The following RAP1GAP2 variants were observed in gnomAD, a reference collection of about 807,000 sequenced individuals.
RAP1GAP2 encodes the protein rap1 GTPase-activating protein 2.
In RAP1GAP2, 27 loss-of-function variants were observed where a neutral mutation model predicts 95.0. The observed-to-expected ratio is 0.28, with a 90% CI of 0.21 to 0.39. The LOEUF is 0.39. Ranked by LOEUF, RAP1GAP2 falls within the 10% of genes least tolerant of loss-of-function variation. The pLI, the probability that RAP1GAP2 is intolerant of heterozygous loss-of-function variation, is 1.00. For missense variants in RAP1GAP2, 771 were observed against 970.0 expected (o/e 0.79, Z 2.72); for synonymous variants, 373 against 380.9 (o/e 0.98, Z 0.24).
intron 23 of RAP1GAP2, 101 bp from the exon 24 acceptor site, chr17:3,032,310 G>C: frequency 7.3e-7 from 1 of 1,374,912 alleles, no homozygotes; most frequent in Non-Finnish European, 1.0e-6. Flanking sequence ...ATCCCTTCCT[G>C]AGCTCACCAG....
chr17:2,911,914 G>C (rs531731684), intron 3 of RAP1GAP2, among the ~76,000 whole-genome samples: 6 of 152,300 alleles, frequency 3.9e-5, no homozygotes, highest in Admixed American at 2.0e-4. Flanking sequence ...AGCCGCACCG[G>C]GCCCTGAGCT....
chr17:2,843,072 T>A (rs2071435428), intron 2 of RAP1GAP2, among the ~76,000 whole-genome samples: 2 of 151,956 alleles, frequency 1.3e-5, no homozygotes, highest in Admixed American at 6.6e-5. Flanking sequence ...GGGGCTGGTG[T>A]GGGGCAAATA....
At chr17:2,984,840 C>G in intron 10 of RAP1GAP2, 143 bp from the exon 11 acceptor site, 5 of 1,428,128 alleles carry the variant, frequency 3.5e-6, no homozygotes, top group Non-Finnish European at 4.6e-6. Flanking sequence ...TATTATTTCT[C>G]TCTCTCTCCC....
At chr17:2,869,010 C>T (rs72819205) in intron 2 of RAP1GAP2, among the ~76,000 whole-genome samples, 2,827 of 152,208 alleles carry the variant, frequency 0.019, 36 homozygotes, top group Non-Finnish European at 0.029. Context: ...ACCGTCTTCT[C>T]GCCATGTTCT....
At chr17:2,942,453 G>C (rs1447633388) in intron 3 of RAP1GAP2, among the ~76,000 whole-genome samples, 1 of 152,016 alleles carries the variant, frequency 6.6e-6, no homozygotes, top group Non-Finnish European at 1.5e-5. Flanking sequence ...TTAAAATTTT[G>C]TGTCATCCAT....
intron 3 of RAP1GAP2, among the ~76,000 whole-genome samples, chr17:2,931,142 A>AAG (rs1237672696): frequency 6.8e-6 from 1 of 146,360 alleles, no homozygotes. Context: ...AAAAAAAAAA[A>AAG]AAGAAGAAGA....
At chr17:2,854,976 G>C (rs971539520) in intron 2 of RAP1GAP2, among the ~76,000 whole-genome samples, 7 of 152,310 alleles carry the variant, frequency 4.6e-5, no homozygotes, top group African/African-American at 1.7e-4. Flanking sequence ...CTAGTTTCCA[G>C]AGGAGTTTTG....
rs147702252 is a variant in RAP1GAP2 at position 2,889,668 on chromosome 17, G to A, written c.81-15616G>A. Among the ~76,000 whole-genome samples the A allele has an allele frequency of 9.8e-3, 1,425 of 144,814 alleles. 24 individuals are homozygous for A. Among genetic ancestry groups the A allele is most frequent in the African/African-American group, 0.032 (1,270 of 39,582 alleles). On this transcript the variant is annotated intron_variant, in intron 2 of 24. Transcript: ENST00000254695. ...CTGGGAGGAGGCAGGAGGTTTGATC[G>A]ATCTGCGCTGGATTTTTTTTTTTTT...
At position 2,906,665 on chromosome 17, in the gene RAP1GAP2, T is replaced by C. The variant is rs1221275769; in HGVS notation, c.165+1297T>C. 1.3e-5 allele frequency among the ~76,000 whole-genome samples: 2 copies of C among 152,026 alleles called. No individual in the cohort carries two copies. Among genetic ancestry groups the C allele is most frequent in the African/African-American group, 4.8e-5 (2 of 41,412 alleles). On this transcript the variant is annotated intron_variant, in intron 3 of 24. Transcript: ENST00000254695. The surrounding 1 kb of genome is among the most constrained non-coding windows in gnomAD (Gnocchi z 4.3). ...GGTAATGCTAAGAAGCCTGTCACCA[T>C]TCCGAGTGTCCCCTTGGTCTACAAA...
intron 4 of RAP1GAP2, among the ~76,000 whole-genome samples, chr17:2,958,149 T>C (rs2044189077): frequency 6.6e-6 from 1 of 151,976 alleles, no homozygotes; most frequent in African/African-American, 2.4e-5. Flanking sequence ...GGAGGAGTCA[T>C]CTTGCATAGG....
chr17:2,956,565 T>G (rs1260502754), intron 3 of RAP1GAP2, among the ~76,000 whole-genome samples: 1 of 152,206 alleles, frequency 6.6e-6, no homozygotes. Flanking sequence ...TTCTTTTCTC[T>G]CGTCTTCACT....
At chr17:2,811,168 CA>C (rs1262795570) in intron 2 of RAP1GAP2, among the ~76,000 whole-genome samples, 3 of 152,218 alleles carry the variant, frequency 2.0e-5, no homozygotes, top group African/African-American at 7.2e-5. Context: ...CCGGCCTCTG[CA>C]GCTATATTTG....
Position 2,797,694 on chromosome 17 carries a change from A to G in RAP1GAP2, c.44+1123A>G. 1 of 985,222 alleles carries G rather than the reference A, an allele frequency of 1.0e-6. No individual in the cohort carries two copies. 61.0% of individuals were successfully genotyped at this position (985,222 alleles called of 1,614,324 possible). A position where few individuals can be genotyped will look rare whatever the true frequency, so the allele number is the denominator to read the frequency against. On this transcript the variant is annotated intron_variant, in intron 1 of 24. Coordinates refer to ENST00000254695, the MANE Select transcript of RAP1GAP2 (RefSeq NM_015085.5). The surrounding 1 kb of genome is among the most constrained non-coding windows in gnomAD (Gnocchi z 5.6). Reference sequence around the variant, plus strand: ...GGGCACTCCATGTTTGGCAGATGGGATGGTGCGGATGAGAAGATGGCACAG... The same window carrying G: ...GGGCACTCCATGTTTGGCAGATGGGGTGGTGCGGATGAGAAGATGGCACAG...
intron 2 of RAP1GAP2, among the ~76,000 whole-genome samples, chr17:2,895,249 G>T (rs11652914): frequency 0.21 from 31,852 of 152,150 alleles, 3,883 homozygotes; most frequent in Middle Eastern, 0.31. Flanking sequence ...GGTGCCCTCG[G>T]GGGCCCGCGG....
At chr17:3,032,565 A>G in intron 24 of RAP1GAP2, 116 bp downstream of exon 24, 3 of 1,014,866 alleles carry the variant, frequency 3.0e-6, no homozygotes, top group Non-Finnish European at 4.5e-6. Context: ...CCAGCTGGGG[A>G]TGTCCAAAGA....
At chr17:2,813,467 G>T (rs895946055) in intron 2 of RAP1GAP2, among the ~76,000 whole-genome samples, 1 of 152,214 alleles carries the variant, frequency 6.6e-6, no homozygotes, top group South Asian at 2.1e-4. Context: ...ACCGTCAGTG[G>T]TTGGGCAATG....
chr17:2,984,219 G>A (rs1200884098), intron 10 of RAP1GAP2, among the ~76,000 whole-genome samples: 1 of 151,958 alleles, frequency 6.6e-6, no homozygotes, highest in Non-Finnish European at 1.5e-5. Context: ...GTGATGGTGG[G>A]GGCCTGTAAT....
intron 19 of RAP1GAP2, 26 bp downstream of exon 19, chr17:3,020,621 A>C: frequency 6.3e-7 from 1 of 1,595,448 alleles, no homozygotes; most frequent in Non-Finnish European, 8.6e-7. Flanking sequence ...CCCCTACCCC[A>C]GCCTGACTTG....
chr17:2,756,526 A>AC (rs2071150197), intron 1 of RAP1GAP2, among the ~76,000 whole-genome samples: 3 of 151,700 alleles, frequency 2.0e-5, no homozygotes, highest in Admixed American at 2.0e-4. Flanking sequence ...CAGGGGCCTG[A>AC]CCTCTGCTTG....
Sources: allele counts gnomAD v4.1 joint callset (sites outside exome capture counted in the v4.1 genomes callset), GRCh38; gene constraint gnomAD v4.1.1; non-coding constraint Gnocchi (gnomAD v3.1); transcripts MANE v1.5; gene names NCBI Gene and HGNC (gene_info 2026-07-23, HGNC 2026-07-21).